The following ALCAM variants were observed in gnomAD, a reference collection of about 807,000 sequenced individuals.
The protein encoded by ALCAM is CD166 antigen.
ALCAM carries 30 observed loss-of-function variants against 70.9 expected under a neutral mutation model. The observed-to-expected ratio is 0.42, with a 90% CI of 0.32 to 0.57. The LOEUF is 0.57. Among genes scored for constraint, ALCAM ranks in the 20% least tolerant of loss-of-function variants. The probability of loss-of-function intolerance (pLI) is 0.11; values close to 1 mark genes in which losing one functional copy is unlikely to be tolerated. For missense variants in ALCAM, 591 were observed against 695.1 expected, an observed-to-expected ratio of 0.85 and a Z score of 1.68; for synonymous variants, 249 against 242.5, an observed-to-expected ratio of 1.03 and a Z score of -0.25.
At chr3:105,416,944 A>C (rs558760352) in intron 1 of ALCAM, among the ~76,000 whole-genome samples, 60 of 152,080 alleles carry the variant, frequency 3.9e-4, no homozygotes, top group African/African-American at 1.2e-3. Context: ...CTCTTACTTA[A>C]AATGTCTCAG....
At position 105,407,241 on chromosome 3, in the gene ALCAM, G is replaced by A. The variant is rs139409081; in HGVS notation, c.73+39760G>A. Among the ~76,000 whole-genome samples, 43 of 143,506 alleles carry A rather than the reference G, an allele frequency of 3.0e-4. 1 individual carries two copies. The East Asian group carries it at 9.3e-3, about 31-fold the overall frequency. 94.1% of individuals were successfully genotyped at this position (143,506 alleles called of 152,430 possible). On this transcript the variant is annotated intron_variant, in intron 1 of 15. Transcript: ENST00000306107. The stretch of plus-strand genomic sequence containing the variant: ...CACCCTAATACCAAAACCAGAGAAG[G>A]ACATAACAACAACAGCAACAACAAC...
chr3:105,431,351 G>C (rs929505961), intron 1 of ALCAM, among the ~76,000 whole-genome samples: 1 of 152,104 alleles, frequency 6.6e-6, no homozygotes, highest in African/African-American at 2.4e-5. Flanking sequence ...AGTGGTCACA[G>C]GGGGAGTCAT....
chr3:105,478,382 T>C (rs888735817), intron 1 of ALCAM, among the ~76,000 whole-genome samples: 3 of 152,124 alleles, frequency 2.0e-5, no homozygotes, highest in Non-Finnish European at 4.4e-5. Context: ...ATTTTATGCA[T>C]TGCCTCTATA....
At chr3:105,532,743 T>C (rs911178591) in intron 4 of ALCAM, among the ~76,000 whole-genome samples, 2 of 152,142 alleles carry the variant, frequency 1.3e-5, no homozygotes, top group African/African-American at 4.8e-5. Context: ...AATTTTGGCA[T>C]TGATGAAACT....
intron 1 of ALCAM, among the ~76,000 whole-genome samples, chr3:105,433,914 G>C (rs1559790047): frequency 6.6e-6 from 1 of 150,906 alleles, no homozygotes; most frequent in Non-Finnish European, 1.5e-5. Context: ...AGTCCTCCTG[G>C]GTCTGTTGCC....
chr3:105,450,926 G>C (rs1335232076), intron 1 of ALCAM, among the ~76,000 whole-genome samples: 1 of 152,026 alleles, frequency 6.6e-6, no homozygotes, highest in South Asian at 2.1e-4. Flanking sequence ...GAAGAATGAC[G>C]TAGAGTTTTA....
At chr3:105,534,515 C>A in intron 5 of ALCAM, 148 bp from the exon 6 acceptor site, 1 of 701,736 alleles carries the variant, frequency 1.4e-6, no homozygotes, top group Non-Finnish European at 2.4e-6. Context: ...TTTGAAACGA[C>A]ATCTAACCTC....
Position 105,532,060 on chromosome 3 carries a change from A to G in ALCAM, c.453A>G (p.Leu151=), listed in dbSNP as rs371767685. ...CACTGTTTCTCGAAACAGAGCAGCTAAAAAAGGTAAGAATTGTTTTTGATT... is the reference window on the plus strand; with the variant it reads ...CACTGTTTCTCGAAACAGAGCAGCTGAAAAAGGTAAGAATTGTTTTTGATT... ...SKALFLETEQ[L]KKLGDCISED... The change falls in exon 4 of 16, where the codon CTA becomes CTG. Residue 151 remains leucine (L), a synonymous_variant. Coordinates refer to ENST00000306107, the MANE Select transcript of ALCAM (RefSeq NM_001627.4). 5 of 1,612,508 alleles carry G rather than the reference A, an allele frequency of 3.1e-6. No individual in the cohort carries two copies. In the African/African-American group the frequency reaches 4.0e-5, roughly 13 times the overall value.
chr3:105,480,919 A>T (rs1055944063), intron 1 of ALCAM, among the ~76,000 whole-genome samples: 1 of 152,102 alleles, frequency 6.6e-6, no homozygotes, highest in African/African-American at 2.4e-5. Flanking sequence ...ACTCTAGTGG[A>T]AAGAAGGCAC....
At chr3:105,545,154 C>G in intron 8 of ALCAM, 69 bp from the exon 9 acceptor site, 5 of 1,048,214 alleles carry the variant, frequency 4.8e-6, no homozygotes, top group Non-Finnish European at 7.5e-6. Flanking sequence ...TTCATCTTTT[C>G]TTCTCCAAAA....
At position 105,575,303 on chromosome 3, in the gene ALCAM, TA is replaced by T. The variant is rs1940937836; in HGVS notation, c.*855del. Reference sequence around the variant, plus strand: ...ATTCCCATTTTCATAGATCACAATGTAAATCACTATAATTACAAATTGGTGT... The same window carrying T: ...ATTCCCATTTTCATAGATCACAATGTAATCACTATAATTACAAATTGGTGT... On this transcript the variant is annotated 3_prime_UTR_variant, in exon 16 of 16. Coordinates refer to ENST00000306107, the MANE Select transcript of ALCAM (RefSeq NM_001627.4). The T allele has an allele frequency of 6.6e-6, 1 of 152,614 alleles. No individual in the cohort carries two copies. Among genetic ancestry groups the T allele is most frequent in the African/African-American group, 2.4e-5 (1 of 41,458 alleles). 9.5% of individuals were successfully genotyped at this position (152,614 alleles called of 1,614,324 possible).
chr3:105,390,515 A>C (rs914700038), intron 1 of ALCAM, among the ~76,000 whole-genome samples: 1 of 151,676 alleles, frequency 6.6e-6, no homozygotes, highest in Non-Finnish European at 1.5e-5. Context: ...TGTCAGATGG[A>C]TAGATTGCAA....
Position 105,419,348 on chromosome 3 carries a change from T to G in ALCAM, c.73+51867T>G, listed in dbSNP as rs185248689. Among the ~76,000 whole-genome samples, 3 of 151,876 alleles carry G rather than the reference T, an allele frequency of 2.0e-5. No homozygotes were observed. The East Asian group carries it at 5.8e-4, about 29-fold the overall frequency. ...TTCATTGCTGCATTTGAGAAAATAG[T>G]GTAGAAACAGGTACATTCTGACTAT... On this transcript the variant is annotated intron_variant, in intron 1 of 15. Coordinates refer to ENST00000306107, the MANE Select transcript of ALCAM (RefSeq NM_001627.4).
At chr3:105,395,148 T>A (rs182551381) in intron 1 of ALCAM, among the ~76,000 whole-genome samples, 37 of 151,022 alleles carry the variant, frequency 2.4e-4, no homozygotes, top group African/African-American at 8.5e-4. Flanking sequence ...CCCTGCCAAC[T>A]TATTAACAAA....
At chr3:105,483,690 T>C (rs1168735422) in intron 1 of ALCAM, among the ~76,000 whole-genome samples, 1 of 152,094 alleles carries the variant, frequency 6.6e-6, no homozygotes, top group Non-Finnish European at 1.5e-5. Flanking sequence ...AGGATGTGGT[T>C]GGTATAATCT....
intron 2 of ALCAM, among the ~76,000 whole-genome samples, chr3:105,523,843 A>G (rs3772558): frequency 0.13 from 19,661 of 152,208 alleles, 1,648 homozygotes; most frequent in African/African-American, 0.24. Flanking sequence ...AGGTGTGGAC[A>G]TTTAAAATAG....
chr3:105,368,263 GAA>G (rs71111358), intron 1 of ALCAM, among the ~76,000 whole-genome samples: 7 of 143,338 alleles, frequency 4.9e-5, no homozygotes, highest in African/African-American at 1.3e-4. Context: ...GAGAGAGAGA[GAA>G]AAGGCAAAAT....
intron 5 of ALCAM, among the ~76,000 whole-genome samples, 188 bp downstream of exon 5, chr3:105,533,878 ATTGTGT>A (rs1939906433): frequency 6.6e-6 from 1 of 152,082 alleles, no homozygotes; most frequent in Admixed American, 6.6e-5. Context: ...CATTAGGTTT[ATTGTGT>A]ACTTTATTTC....
intron 14 of ALCAM, among the ~76,000 whole-genome samples, chr3:105,564,153 G>A (rs931271901): frequency 2.0e-5 from 3 of 151,160 alleles, no homozygotes; most frequent in Non-Finnish European, 4.4e-5. Flanking sequence ...GTGTAGTGTT[G>A]TATAATTGTC....
Sources: gnomAD v4.1 joint callset for allele counts (sites outside exome capture counted in the v4.1 genomes callset) on GRCh38, gnomAD v4.1.1 for gene constraint, MANE v1.5 for transcripts, NCBI Gene and HGNC (gene_info 2026-07-23, HGNC 2026-07-21) for gene names.